THADA: variants seen among roughly 807,000 people sequenced by gnomAD.
THADA encodes the protein THADA armadillo repeat containing, also known as tRNA (32-2'-O)-methyltransferase regulator THADA.
Under a neutral mutation model 219.8 loss-of-function variants are expected in THADA, and 213 were observed. That is an observed-to-expected ratio of 0.97 (90% confidence interval 0.87 to 1.09). THADA has a LOEUF of 1.09. Ranked by LOEUF, THADA falls within the 50% of genes least tolerant of loss-of-function variation. The pLI is 0.00. For missense variants in THADA, 2,956 were observed against 2,311.3 expected (o/e 1.28, Z -5.72); for synonymous variants, 1,018 against 828.9 (o/e 1.23, Z -3.92).
chr2:43,292,168 G>A lies in THADA; in HGVS notation c.4873C>T (p.His1625Tyr), dbSNP rs1186035613. 1 of 1,612,296 alleles carries A rather than the reference G, an allele frequency of 6.2e-7. No homozygotes were observed. Among genetic ancestry groups the A allele is most frequent in the Non-Finnish European group, 8.5e-7 (1 of 1,179,258 alleles). The change falls in exon 33 of 38, where the codon CAC (histidine) becomes TAC (tyrosine). Residue 1625 changes from histidine to tyrosine, a missense_variant. Coordinates refer to ENST00000405975, the MANE Select transcript of THADA (RefSeq NM_022065.5). Reference protein sequence around the residue: ...DPGEWLPQTEHCVHLTPKEFL... With the variant: ...DPGEWLPQTEYCVHLTPKEFL... Reference sequence around the variant, plus strand: ...TCCTTTGGGGTCAGATGGACACAGTGCTCCGTCTGGGGAAGCCACTCACCA... The same window carrying A: ...TCCTTTGGGGTCAGATGGACACAGTACTCCGTCTGGGGAAGCCACTCACCA...
intron 25 of THADA, among the ~76,000 whole-genome samples, chr2:43,496,482 A>G (rs1349160068): frequency 3.3e-5 from 5 of 152,170 alleles, no homozygotes; most frequent in African/African-American, 4.8e-5. Context: ...AACTTTTGAT[A>G]GAGTTTATTT....
At chr2:43,309,107 C>A (rs1012143581) in intron 31 of THADA, among the ~76,000 whole-genome samples, 2 of 152,188 alleles carry the variant, frequency 1.3e-5, no homozygotes, top group African/African-American at 4.8e-5. Flanking sequence ...AAAACTCTTA[C>A]AACCCAGTAA....
intron 21 of THADA, among the ~76,000 whole-genome samples, chr2:43,529,872 T>C (rs1693643533): frequency 6.6e-6 from 1 of 152,176 alleles, no homozygotes; most frequent in Non-Finnish European, 1.5e-5. Flanking sequence ...AGTATCTCAG[T>C]TTCCTCATCC....
At chr2:43,470,537 G>A (rs1012873046) in intron 26 of THADA, among the ~76,000 whole-genome samples, 1 of 151,698 alleles carries the variant, frequency 6.6e-6, no homozygotes, top group East Asian at 1.9e-4. Context: ...TCCTATAAGC[G>A]AAAAAGGGAG....
intron 29 of THADA, among the ~76,000 whole-genome samples, chr2:43,392,865 TGTTTTCACCA>T (rs1673558112): frequency 6.6e-6 from 1 of 152,226 alleles, no homozygotes. Flanking sequence ...AAACTCCTTG[TGTTTTCACCA>T]GTGCCTAGGA....
chr2:43,280,042 G>C, intron 35 of THADA, 146 bp from the exon 36 acceptor site: 1 of 870,850 alleles, frequency 1.1e-6, no homozygotes, highest in Non-Finnish European at 1.6e-6. Flanking sequence ...GATAGAAAGA[G>C]TGTTAGACAA....
At chr2:43,450,652 G>T (rs1024212945) in intron 26 of THADA, among the ~76,000 whole-genome samples, 1 of 151,714 alleles carries the variant, frequency 6.6e-6, no homozygotes, top group African/African-American at 2.4e-5. Context: ...AAATGTAAAG[G>T]ATTAAACTCA....
chr2:43,570,383 C>G lies in THADA; in HGVS notation c.2187+5G>C, dbSNP rs974024796. The G allele has an allele frequency of 4.4e-6, 7 of 1,589,622 alleles. No homozygotes were observed. In the African/African-American group the frequency reaches 9.6e-5, roughly 22 times the overall value. On this transcript the variant is annotated splice_donor_5th_base_variant and intron_variant, in intron 14 of 37. Transcript: ENST00000405975. ...AACTCTCATGTTTAGAAATATATCA[C>G]CTACCTTATACTGCTGTAAAGAAAC...
intron 22 of THADA, among the ~76,000 whole-genome samples, chr2:43,510,027 G>T (rs1181078995): frequency 6.6e-6 from 1 of 152,114 alleles, no homozygotes; most frequent in Non-Finnish European, 1.5e-5. Context: ...TGTGAACCTT[G>T]CTTAGATCTT....
At chr2:43,513,307 A>G (rs1690733424) in intron 22 of THADA, among the ~76,000 whole-genome samples, 1 of 152,228 alleles carries the variant, frequency 6.6e-6, no homozygotes, top group Non-Finnish European at 1.5e-5. Context: ...TAATGTTAAC[A>G]ATATGCAAAA....
chr2:43,576,201 T>C (rs916720842), intron 10 of THADA, among the ~76,000 whole-genome samples: 5 of 152,262 alleles, frequency 3.3e-5, no homozygotes, highest in Admixed American at 6.5e-5. Flanking sequence ...TTCAAATTTA[T>C]GAATTGCATA....
intron 17 of THADA, among the ~76,000 whole-genome samples, chr2:43,555,213 T>C (rs1358192939): frequency 6.6e-6 from 1 of 151,480 alleles, no homozygotes; most frequent in African/African-American, 2.4e-5. Flanking sequence ...TAATATATAA[T>C]AATATATACA....
chr2:43,520,702 G>GTATATATATATATA (rs377737093), intron 22 of THADA, among the ~76,000 whole-genome samples: 27 of 136,602 alleles, frequency 2.0e-4, no homozygotes, highest in South Asian at 7.6e-4. Context: ...ATATTTATAC[G>GTATATATATATATA]TATATATATA....
Position 43,450,465 on chromosome 2 carries a change from C to A in THADA, c.3837-20163G>T, listed in dbSNP as rs571630143. 1.1e-4 allele frequency among the ~76,000 whole-genome samples: 17 copies of A among 151,718 alleles called. 1 individual carries two copies. In the South Asian group the frequency reaches 3.5e-3, roughly 32 times the overall value. On this transcript the variant is annotated intron_variant, in intron 26 of 37. Transcript: ENST00000405975. Reference sequence around the variant, plus strand: ...ACAACCTTAGAATATTAAATTGAAACCCATGGCAGCCACAAAGAAAATAGT... The same window carrying A: ...ACAACCTTAGAATATTAAATTGAAAACCATGGCAGCCACAAAGAAAATAGT...
intron 29 of THADA, among the ~76,000 whole-genome samples, chr2:43,367,872 A>G (rs1670345564): frequency 6.6e-6 from 1 of 152,172 alleles, no homozygotes; most frequent in Non-Finnish European, 1.5e-5. Context: ...TAATCCCAGC[A>G]CTTCGGGAGG....
intron 36 of THADA, among the ~76,000 whole-genome samples, chr2:43,257,729 C>T (rs11894428): frequency 0.019 from 2,950 of 152,260 alleles, 70 homozygotes; most frequent in African/African-American, 0.064. Context: ...AAGTTAAATT[C>T]CCCTGCTATT....
intron 26 of THADA, among the ~76,000 whole-genome samples, chr2:43,474,692 T>C (rs1685303722): frequency 6.6e-6 from 1 of 152,178 alleles, no homozygotes; most frequent in African/African-American, 2.4e-5. Flanking sequence ...GAGGGAAGTA[T>C]GCAATTGACC....
chr2:43,578,677 G>A, intron 8 of THADA, 70 bp from the exon 9 acceptor site: 1 of 1,141,590 alleles, frequency 8.8e-7, no homozygotes, highest in African/African-American at 1.6e-5. Context: ...AAGAGCAGAT[G>A]CTGAGCAGCC....
At chr2:43,581,554 A>G (rs559833379) in intron 8 of THADA, among the ~76,000 whole-genome samples, 187 bp downstream of exon 8, 2 of 151,344 alleles carry the variant, frequency 1.3e-5, no homozygotes, top group Admixed American at 1.3e-4. Context: ...AAAAAAAAAA[A>G]AAAAGAAAAG....
Sources: gnomAD v4.1 joint callset for allele counts (sites outside exome capture counted in the v4.1 genomes callset) on GRCh38, gnomAD v4.1.1 for gene constraint, MANE v1.5 for transcripts, NCBI Gene and HGNC (gene_info 2026-07-23, HGNC 2026-07-21) for gene names.